Variants in ESS2 observed in about 807,000 individuals in gnomAD.
ESS2 encodes the protein ess-2 spliceosome associated protein, also known as splicing factor ESS-2 homolog.
Under a neutral mutation model 52.0 loss-of-function variants are expected in ESS2, and 31 were observed. That is an observed-to-expected ratio of 0.60 (90% CI 0.45 to 0.81). The LOEUF (loss-of-function observed/expected upper bound fraction) is 0.81, where lower values mean the gene tolerates loss of function less well. Among genes scored for constraint, ESS2 ranks in the 30% least tolerant of loss-of-function variants. The pLI is 0.00. For missense variants in ESS2, 602 were observed against 637.2 expected, an observed-to-expected ratio of 0.94 and a Z score of 0.59; for synonymous variants, 285 against 259.2, an observed-to-expected ratio of 1.10 and a Z score of -0.95.
chr22:19,137,650 G>C (rs887401174), intron 7 of ESS2: 2 of 834,988 alleles, frequency 2.4e-6, no homozygotes, highest in African/African-American at 3.7e-5. Flanking sequence ...AGGCCCTACA[G>C]CCATGTGCTT....
rs1446707118 is a variant in ESS2, at chr22:19,138,239, C to T, written c.901G>A (p.Val301Ile). ...ESPRVGGFGFVATPSPAPGVN... is the reference protein window; with the variant it reads ...ESPRVGGFGFIATPSPAPGVN... ...CCAGGGGCAGGGGAAGGAGTGGCAA[C>T]AAATCCAAATCCACCCACTCGAGGG... Residue 301 changes from valine (V) to isoleucine (I), a missense_variant, in exon 7 of 10, where the codon GTT becomes ATT. Coordinates refer to ENST00000252137, the MANE Select transcript of ESS2 (RefSeq NM_022719.3). The T allele has an allele frequency of 1.2e-6, 2 of 1,614,058 alleles. No homozygotes were observed. Among genetic ancestry groups the T allele is most frequent in the Middle Eastern group, 1.7e-4 (1 of 6,056 alleles).
intron 3 of ESS2, among the ~76,000 whole-genome samples, chr22:19,140,730 G>C (rs1310934146): frequency 6.6e-6 from 1 of 152,150 alleles, no homozygotes; most frequent in Non-Finnish European, 1.5e-5. Context: ...TGACAGTCCT[G>C]ACCACCTGCT....
rs541024498 is a variant in ESS2, at chr22:19,142,062, G to A, written c.400+476C>T. ...ATGAAAAACCAAAGCCAGGCTGGAA[G>A]CCACAGAGCACCAGTGGTGTTGTGA... On this transcript the variant is annotated intron_variant, in intron 3 of 9. Transcript: ENST00000252137. Among the ~76,000 whole-genome samples, 8 of 152,348 alleles carry A rather than the reference G, an allele frequency of 5.3e-5. No homozygotes were observed. The South Asian group carries it at 1.7e-3, about 32-fold the overall frequency.
chr22:19,137,473 T>C, intron 7 of ESS2, 41 bp from the exon 8 acceptor site: 4 of 1,439,088 alleles, frequency 2.8e-6, no homozygotes, highest in Non-Finnish European at 3.8e-6. Flanking sequence ...GCCAGAGGAC[T>C]CCCCACCACC....
In ESS2 at chr22:19,142,391, C is replaced by A; in HGVS notation, c.400+147G>T. The A allele has an allele frequency of 5.5e-6, 4 of 731,232 alleles. No homozygotes were observed. In the South Asian group the frequency reaches 7.1e-5, roughly 13 times the overall value. 45.3% of individuals were successfully genotyped at this position (731,232 alleles called of 1,614,324 possible). On this transcript the variant is annotated intron_variant, in intron 3 of 9. Transcript: ENST00000252137. ...ATGTTCTACCACCTAGACCAATGTCCTTTGACTTCACAGGCTGCTATTTAC... is the reference window on the plus strand; with the variant it reads ...ATGTTCTACCACCTAGACCAATGTCATTTGACTTCACAGGCTGCTATTTAC...
At chr22:19,143,368 G>C (rs1216194891) in intron 1 of ESS2, among the ~76,000 whole-genome samples, 1 of 152,012 alleles carries the variant, frequency 6.6e-6, no homozygotes, top group Non-Finnish European at 1.5e-5. Flanking sequence ...ACTTTCTAGT[G>C]GGGTTGAGCA....
chr22:19,131,182 C>G lies in ESS2; in HGVS notation c.*3014G>C. The G allele has an allele frequency of 1.8e-6, 1 of 542,080 alleles. No homozygotes were observed. 33.6% of individuals were successfully genotyped at this position (542,080 alleles called of 1,614,324 possible). ...CCTGGCTTCCACGGTTCCAGAGACCCTGTTCTCCCTCAGCCCAGTCCCCGC... is the reference window on the plus strand; with the variant it reads ...CCTGGCTTCCACGGTTCCAGAGACCGTGTTCTCCCTCAGCCCAGTCCCCGC... On this transcript the variant is annotated 3_prime_UTR_variant, in exon 10 of 10. Transcript: ENST00000252137. The surrounding 1 kb of genome is among the most constrained non-coding windows in gnomAD (Gnocchi z 5.7).
chr22:19,131,085 G>A lies in ESS2; in HGVS notation c.*3111C>T. 1 of 311,162 alleles carries A rather than the reference G, an allele frequency of 3.2e-6. No individual in the cohort carries two copies. Among genetic ancestry groups the A allele is most frequent in the South Asian group, 5.8e-5 (1 of 17,104 alleles). The allele number at this position is 311,162 out of a possible 1,614,324, so 19.3% of individuals were successfully genotyped here. Reference sequence around the variant, plus strand: ...AGGGAAACCAATGCAGCAGCAGCAGGGCCACCAGAGTCCTGTCCTGGGGAC... The same window carrying A: ...AGGGAAACCAATGCAGCAGCAGCAGAGCCACCAGAGTCCTGTCCTGGGGAC... On this transcript the variant is annotated 3_prime_UTR_variant, in exon 10 of 10. Transcript: ENST00000252137. This position sits in a 1 kb window ranked among gnomAD's most constrained non-coding sequence, Gnocchi z 5.7.
At chr22:19,134,618 G>T in intron 9 of ESS2, 143 bp from the exon 10 acceptor site, 1 of 876,768 alleles carries the variant, frequency 1.1e-6, no homozygotes, top group Non-Finnish European at 1.6e-6. Flanking sequence ...CAGCATGGCA[G>T]CAAATGCGGG....
chr22:19,139,814 G>C (rs2083652461), intron 4 of ESS2, 41 bp downstream of exon 4: 1 of 1,613,814 alleles, frequency 6.2e-7, no homozygotes, highest in African/African-American at 1.3e-5. Context: ...CCACCACAGA[G>C]GGTGCCTACG....
At position 19,139,248 on chromosome 22, in the gene ESS2, C is replaced by G; in HGVS notation, c.733G>C (p.Val245Leu). ...EQLFKKPRQV[V>L]HKNTRFLRDP... ...CTAAGGAAGCGCGTGTTCTTATGTA[C>G]CACCTGCCGGGGCTTCTTAAACAGC... is the stretch of plus-strand genomic sequence containing the variant. The change falls in exon 6 of 10, where the codon GTA becomes CTA. Residue 245 changes from valine (V) to leucine (L), a missense_variant. Val to Leu is a conservative substitution (Grantham distance 32, BLOSUM62 1). Transcript: ENST00000252137. 6.2e-7 allele frequency: 1 copy of G among 1,607,688 alleles called. No individual in the cohort carries two copies. Among genetic ancestry groups the G allele is most frequent in the Non-Finnish European group, 8.5e-7 (1 of 1,176,796 alleles).
In ESS2 at chr22:19,144,602, A is replaced by G; in HGVS notation, c.39T>C (p.Leu13=). ...TPGASASSLL[L]PAASRPPRKR... is the part of the protein sequence containing the mutation. ...TCCTCGGGGGCCTGGACGCGGCGGG[A>G]AGCAACAAGGACGACGCTGATGCGC... The change falls in exon 1 of 10, where the codon CTT becomes CTC. Residue 13 remains leucine, a synonymous_variant. Transcript: ENST00000252137. 2 of 1,594,796 alleles carry G rather than the reference A, an allele frequency of 1.3e-6. No individual in the cohort carries two copies. The highest frequency in any genetic ancestry group is 1.7e-6 in the Non-Finnish European group (2 of 1,169,662).
chr22:19,135,481 C>T (rs193253854), intron 8 of ESS2, among the ~76,000 whole-genome samples: 10 of 152,274 alleles, frequency 6.6e-5, no homozygotes, highest in African/African-American at 1.9e-4. Flanking sequence ...TCTTTATCGG[C>T]GCTCTGTATT....
intron 8 of ESS2, 36 bp downstream of exon 8, chr22:19,137,287 C>T: frequency 2.0e-6 from 3 of 1,513,882 alleles, no homozygotes; most frequent in Non-Finnish European, 2.7e-6. Flanking sequence ...GGTGTCCACC[C>T]CGGTCGCACA....
chr22:19,135,862 TACAC>T (rs913496172), intron 8 of ESS2, among the ~76,000 whole-genome samples: 5 of 150,808 alleles, frequency 3.3e-5, no homozygotes, highest in Non-Finnish European at 7.4e-5. Context: ...ACCTCATTTC[TACAC>T]ACACACACAC....
chr22:19,131,292 C>A lies in ESS2; in HGVS notation c.*2904G>T, dbSNP rs1007176029. ...TTCCACCCCTGAGTCGAAGCCCAGC[C>A]CAGGGCAGCCCAGCCAGACGCCTCC... On this transcript the variant is annotated 3_prime_UTR_variant, in exon 10 of 10. Coordinates refer to ENST00000252137, the MANE Select transcript of ESS2 (RefSeq NM_022719.3). The surrounding 1 kb of genome is among the most constrained non-coding windows in gnomAD (Gnocchi z 5.7). 2 of 976,500 alleles carry A rather than the reference C, an allele frequency of 2.0e-6. No homozygotes were observed. The highest frequency in any genetic ancestry group is 4.9e-5 in the East Asian group (2 of 41,070). The allele number at this position is 976,500 out of a possible 1,614,324, so 60.5% of individuals were successfully genotyped here. A position where few individuals can be genotyped will look rare whatever the true frequency, so the allele number is the denominator to read the frequency against.
intron 6 of ESS2, 114 bp downstream of exon 6, chr22:19,139,045 G>A (rs1206083859): frequency 1.2e-5 from 17 of 1,390,260 alleles, no homozygotes; most frequent in Non-Finnish European, 1.4e-5. Flanking sequence ...CAGGGCCCCA[G>A]ATGGTTCCAC....
In ESS2 at chr22:19,144,619, C is replaced by T; in HGVS notation, c.22G>A (p.Ala8Thr). The change falls in exon 1 of 10, where the codon GCG becomes ACG. Residue 8 changes from alanine (A) to threonine (T), a missense_variant. Ala to Thr is a moderately conservative substitution (Grantham distance 58). Coordinates refer to ENST00000252137, the MANE Select transcript of ESS2 (RefSeq NM_022719.3). METPGASASSLLLPAASR... is the reference protein window; with the variant it reads METPGASTSSLLLPAASR... ...GCGGCGGGAAGCAACAAGGACGACGCTGATGCGCCCGGCGTCTCCATCGCT... is the reference window on the plus strand; with the variant it reads ...GCGGCGGGAAGCAACAAGGACGACGTTGATGCGCCCGGCGTCTCCATCGCT... The T allele has an allele frequency of 2.6e-6, 4 of 1,546,866 alleles. No individual in the cohort carries two copies. Among genetic ancestry groups the T allele is most frequent in the Non-Finnish European group, 3.5e-6 (4 of 1,143,952 alleles).
At chr22:19,142,681 G>A in intron 2 of ESS2, 45 bp downstream of exon 2, 1 of 1,609,854 alleles carries the variant, frequency 6.2e-7, no homozygotes, top group Non-Finnish European at 8.5e-7. Context: ...TGAAGCGACA[G>A]TTCAGCAGGC....
Sources: gnomAD v4.1 joint callset for allele counts (sites outside exome capture counted in the v4.1 genomes callset) on GRCh38, gnomAD v4.1.1 for gene constraint, Gnocchi (gnomAD v3.1) non-coding constraint, MANE v1.5 for transcripts, NCBI Gene and HGNC (gene_info 2026-07-23, HGNC 2026-07-21) for gene names.